DISP1: variants seen among roughly 807,000 people sequenced by gnomAD.
DISP1 encodes dispatched RND transporter family member 1, also known as protein dispatched homolog 1.
In DISP1, 30 loss-of-function variants were observed where a neutral mutation model predicts 37.3. The ratio of observed to expected loss-of-function variants is 0.80; its 90% CI spans 0.60 to 1.09. The LOEUF is 1.09. DISP1 is among the 50% of genes least tolerant of loss of function. The probability of loss-of-function intolerance (pLI) is 0.00; values close to 1 mark genes in which losing one functional copy is unlikely to be tolerated. For missense variants in DISP1, 1,598 were observed against 1,879.5 expected (o/e 0.85, Z 2.77); for synonymous variants, 634 against 690.2 (o/e 0.92, Z 1.28).
intron 1 of DISP1, among the ~76,000 whole-genome samples, chr1:222,917,188 C>T (rs1044792601): frequency 9.9e-5 from 15 of 152,146 alleles, no homozygotes; most frequent in African/African-American, 2.9e-4. Context: ...TCTTCTTCCC[C>T]GGACTTCTTC....
At chr1:222,885,703 T>C (rs1282405552) in intron 1 of DISP1, among the ~76,000 whole-genome samples, 1 of 152,124 alleles carries the variant, frequency 6.6e-6, no homozygotes, top group Non-Finnish European at 1.5e-5. Context: ...GTTTCTTTTA[T>C]TGAAGAATGG....
intron 2 of DISP1, among the ~76,000 whole-genome samples, chr1:222,936,872 T>TATATATGATATATAAATTATATATC (rs1558340304): frequency 1.1e-4 from 7 of 61,444 alleles, no homozygotes; most frequent in African/African-American, 4.3e-4. Context: ...TTATATATCA[T>TATATATGATATATAAATTATATATC]ATATATGATA....
chr1:222,971,640 C>T (rs1303047134), intron 3 of DISP1, among the ~76,000 whole-genome samples: 3 of 152,038 alleles, frequency 2.0e-5, no homozygotes, highest in African/African-American at 7.2e-5. Flanking sequence ...AGAATCCGCA[C>T]ATTGATGAAT....
At chr1:222,989,075 A>G (rs763256331) in intron 4 of DISP1, among the ~76,000 whole-genome samples, 18 of 151,976 alleles carry the variant, frequency 1.2e-4, no homozygotes, top group Non-Finnish European at 2.4e-4. Flanking sequence ...TATCTCCACA[A>G]AGCCAGATCA....
chr1:222,882,151 G>T (rs1253228919), intron 1 of DISP1, among the ~76,000 whole-genome samples: 1 of 152,144 alleles, frequency 6.6e-6, no homozygotes, highest in African/African-American at 2.4e-5. Flanking sequence ...ATATGAAATG[G>T]ACATGGAGAT....
intron 2 of DISP1, among the ~76,000 whole-genome samples, chr1:222,932,716 C>T (rs772515528): frequency 4.9e-4 from 75 of 151,964 alleles, no homozygotes; most frequent in Non-Finnish European, 9.6e-4. Context: ...AGCATTGATG[C>T]TTATGGGCAC....
intron 1 of DISP1, among the ~76,000 whole-genome samples, chr1:222,826,113 A>G (rs764258163): frequency 3.9e-5 from 6 of 152,028 alleles, no homozygotes; most frequent in African/African-American, 4.8e-5. Context: ...TTCATTGCCT[A>G]TGTTGGTCTT....
chr1:222,989,438 T>C, intron 4 of DISP1: 1 of 985,420 alleles, frequency 1.0e-6, no homozygotes, highest in South Asian at 4.7e-5. Context: ...GGTACTCAGC[T>C]CATATCAAGA....
At chr1:222,857,161 G>T (rs1391580173) in intron 1 of DISP1, among the ~76,000 whole-genome samples, 1 of 152,158 alleles carries the variant, frequency 6.6e-6, no homozygotes, top group Non-Finnish European at 1.5e-5. Flanking sequence ...GGAGGCTGAG[G>T]TGGGAGGATC....
chr1:222,967,864 A>G (rs571299214), intron 3 of DISP1, among the ~76,000 whole-genome samples: 2 of 152,300 alleles, frequency 1.3e-5, no homozygotes, highest in South Asian at 4.1e-4. Context: ...ACTCTAATTT[A>G]GCATGTGCAT....
At chr1:222,862,843 T>C (rs1668962126) in intron 1 of DISP1, among the ~76,000 whole-genome samples, 1 of 152,104 alleles carries the variant, frequency 6.6e-6, no homozygotes, top group Non-Finnish European at 1.5e-5. Flanking sequence ...AGTCGTATCT[T>C]TTGCAGCTAT....
chr1:222,945,471 A>T (rs767219437), intron 3 of DISP1, among the ~76,000 whole-genome samples: 1 of 152,230 alleles, frequency 6.6e-6, no homozygotes, highest in Non-Finnish European at 1.5e-5. Context: ...TGCATTTTGA[A>T]GCTGATACCT....
intron 1 of DISP1, among the ~76,000 whole-genome samples, chr1:222,918,514 C>T (rs1558328793): frequency 6.6e-6 from 1 of 152,128 alleles, no homozygotes; most frequent in Non-Finnish European, 1.5e-5. Flanking sequence ...CTGTAAATTG[C>T]ACCCTTCTCC....
intron 1 of DISP1, among the ~76,000 whole-genome samples, chr1:222,905,471 A>G (rs1238258598): frequency 6.6e-6 from 1 of 152,248 alleles, no homozygotes; most frequent in Non-Finnish European, 1.5e-5. Context: ...CAAACAATAT[A>G]TAGCATCACT....
chr1:222,816,072 A>AATATATAT (rs68057775), intron 1 of DISP1, among the ~76,000 whole-genome samples: 153 of 144,122 alleles, frequency 1.1e-3, no homozygotes, highest in Admixed American at 2.6e-3. Context: ...GCTGTAAGGA[A>AATATATAT]ATATATATAT....
chr1:222,867,864 T>A (rs1471608839), intron 1 of DISP1, among the ~76,000 whole-genome samples: 1 of 152,178 alleles, frequency 6.6e-6, no homozygotes, highest in Non-Finnish European at 1.5e-5. Flanking sequence ...AGTATAAAAT[T>A]GGTTAAACTA....
At chr1:222,822,433 A>G (rs1047667780) in intron 1 of DISP1, among the ~76,000 whole-genome samples, 4 of 152,184 alleles carry the variant, frequency 2.6e-5, no homozygotes, top group African/African-American at 9.7e-5. Context: ...AAATTTATGT[A>G]TTTCTACATT....
intron 3 of DISP1, among the ~76,000 whole-genome samples, chr1:222,957,155 A>AT (rs1340255956): frequency 6.6e-6 from 1 of 151,386 alleles, no homozygotes; most frequent in African/African-American, 2.4e-5. Context: ...TAAAAAAAAA[A>AT]AAAAAAAAAA....
At chr1:222,954,832 G>A (rs1675476397) in intron 3 of DISP1, among the ~76,000 whole-genome samples, 1 of 152,064 alleles carries the variant, frequency 6.6e-6, no homozygotes, top group Non-Finnish European at 1.5e-5. Flanking sequence ...AACATAGTGA[G>A]ACCCTGTTTA....
Sources: gnomAD v4.1 joint callset for allele counts (sites outside exome capture counted in the v4.1 genomes callset) on GRCh38, gnomAD v4.1.1 for gene constraint, MANE v1.5 for transcripts, NCBI Gene and HGNC (gene_info 2026-07-23, HGNC 2026-07-21) for gene names.